DEGS2: variants seen among roughly 807,000 people sequenced by gnomAD.
DEGS2 encodes sphingolipid delta(4)-desaturase/C4-monooxygenase DES2.
DEGS2 carries 19 observed loss-of-function variants against 23.8 expected under a neutral mutation model. The ratio of observed to expected loss-of-function variants is 0.80; its 90% confidence interval spans 0.56 to 1.17. DEGS2 has a LOEUF of 1.17. DEGS2 is among the 50% of genes most tolerant of loss of function. DEGS2 has a pLI of 0.00. For synonymous variants in DEGS2, 218 were observed against 213.7 expected (o/e 1.02, Z -0.18); for missense variants, 390 against 459.5 (o/e 0.85, Z 1.38).
the DEGS2 span, among the ~76,000 whole-genome samples, chr14:100,165,220 C>T: frequency 6.6e-6 from 1 of 152,150 alleles, no homozygotes; most frequent in African/African-American, 2.4e-5. Context: ...AGGTATCAGA[C>T]AACTCCGGAC....
At chr14:100,156,707 A>G (rs1889663567) in intron 1 of DEGS2, among the ~76,000 whole-genome samples, 1 of 152,172 alleles carries the variant, frequency 6.6e-6, no homozygotes, top group South Asian at 2.1e-4. Context: ...AGGGGTCCCC[A>G]TCCAGCTGGG....
upstream of DEGS2, among the ~76,000 whole-genome samples, chr14:100,162,925 C>T (rs1889766498): frequency 6.6e-6 from 1 of 152,234 alleles, no homozygotes; most frequent in African/African-American, 2.4e-5. Flanking sequence ...GAAGACATTT[C>T]ACACTGCCCC....
chr14:100,155,620 T>G (rs1270004415), intron 1 of DEGS2: 1 of 152,274 alleles, frequency 6.6e-6, no homozygotes, highest in Non-Finnish European at 1.5e-5. Context: ...GCCGGGCAGC[T>G]CTGTGGCTGG....
chr14:100,158,268 G>A (rs1889690931), intron 1 of DEGS2, among the ~76,000 whole-genome samples: 1 of 152,092 alleles, frequency 6.6e-6, no homozygotes, highest in Admixed American at 6.5e-5. Flanking sequence ...AAAAATAGCC[G>A]GGCATAGTGG....
chr14:100,159,524 G>T lies in DEGS2; in HGVS notation c.64C>A (p.Arg22=). 1 of 1,503,182 alleles carries T rather than the reference G, an allele frequency of 6.7e-7. No individual in the cohort carries two copies. The highest frequency in any genetic ancestry group is 2.8e-5 in the East Asian group (1 of 35,694). The allele number at this position is 1,503,182 out of a possible 1,614,324, so 93.1% of individuals were successfully genotyped here. A position where few individuals can be genotyped will look rare whatever the true frequency, so the allele number is the denominator to read the frequency against. The part of the protein sequence containing the change: ...WVYTDQPHTQ[R]RKEILAKYPA... ...CGCTCACCCAGTATCTCCTTGCGCC[G>T]CTGCGTGTGCGGCTGGTCGGTGTAG... Residue 22 remains arginine (R), a synonymous_variant, in exon 1 of 3, where the codon CGG becomes AGG. Coordinates refer to ENST00000305631, the MANE Select transcript of DEGS2 (RefSeq NM_206918.3).
At chr14:100,153,305 A>AGATAG (rs139880315) in intron 1 of DEGS2, among the ~76,000 whole-genome samples, 1 of 150,110 alleles carries the variant, frequency 6.7e-6, no homozygotes, top group Admixed American at 6.7e-5. Context: ...ATAGATAGAT[A>AGATAG]ATAGATGTGA....
intron 1 of DEGS2, among the ~76,000 whole-genome samples, chr14:100,158,270 G>A (rs1889690974): frequency 6.6e-6 from 1 of 152,202 alleles, no homozygotes; most frequent in East Asian, 1.9e-4. Flanking sequence ...AAATAGCCGG[G>A]CATAGTGGTA....
At chr14:100,157,923 A>C (rs1450628185) in intron 1 of DEGS2, among the ~76,000 whole-genome samples, 1 of 151,374 alleles carries the variant, frequency 6.6e-6, no homozygotes, top group African/African-American at 2.4e-5. Context: ...CCCCATCTCT[A>C]CTACAAATAC....
In DEGS2 at chr14:100,149,281, GAGT is replaced by G. The variant is rs1184863993; in HGVS notation, c.509_511del (p.Tyr170del). 1.2e-6 allele frequency: 2 copies of G among 1,612,836 alleles called. No individual in the cohort carries two copies. The highest frequency in any genetic ancestry group is 1.1e-5 in the South Asian group (1 of 91,050). On this transcript the variant is annotated inframe_deletion, in exon 2 of 3. Coordinates refer to ENST00000305631, the MANE Select transcript of DEGS2 (RefSeq NM_206918.3). ...GGGGTGGACGCAGAGCGGCCGTAGT[GAGT>G]AGAAGAAGGGCTGCAGCACCAGCCA...
At chr14:100,158,085 T>TC (rs1889687125) in intron 1 of DEGS2, among the ~76,000 whole-genome samples, 1 of 27,026 alleles carries the variant, frequency 3.7e-5, no homozygotes, top group Admixed American at 4.7e-4. Context: ...AGACTTCCTC[T>TC]CAAAAAAAAA....
At chr14:100,161,416 A>T (rs1180787323), upstream of DEGS2, among the ~76,000 whole-genome samples, 1 of 152,154 alleles carries the variant, frequency 6.6e-6, no homozygotes, top group Non-Finnish European at 1.5e-5. Context: ...TGCCCTTGCC[A>T]AGTGCTCCCC....
chr14:100,159,464 A>G, intron 1 of DEGS2, 42 bp downstream of exon 1: 1 of 1,430,756 alleles, frequency 7.0e-7, no homozygotes, highest in South Asian at 1.4e-5. Flanking sequence ...AGACGGGCCA[A>G]CGGGGCGGTC....
At chr14:100,159,061 G>A (rs896272865) in intron 1 of DEGS2, among the ~76,000 whole-genome samples, 6 of 152,196 alleles carry the variant, frequency 3.9e-5, no homozygotes, top group African/African-American at 1.4e-4. Flanking sequence ...CCGTGGCCGC[G>A]AGACCCAGGG....
chr14:100,164,841 C>G, the DEGS2 span, among the ~76,000 whole-genome samples: 1 of 152,138 alleles, frequency 6.6e-6, no homozygotes, highest in Non-Finnish European at 1.5e-5. Context: ...ACATGTGTGG[C>G]CACCAAATAC....
chr14:100,149,745 C>T (rs767209636), intron 1 of DEGS2, 35 bp from the exon 2 acceptor site: 25 of 1,555,424 alleles, frequency 1.6e-5, no homozygotes, highest in African/African-American at 8.1e-5. Flanking sequence ...AGGCCCCGCT[C>T]GGTGGGGCTG....
At chr14:100,162,012 A>G (rs1000701020), upstream of DEGS2, among the ~76,000 whole-genome samples, 1 of 150,778 alleles carries the variant, frequency 6.6e-6, no homozygotes, top group African/African-American at 2.5e-5. Context: ...AGATTGCACC[A>G]TTGCACTCCA....
At chr14:100,158,328 T>C (rs1371435108) in intron 1 of DEGS2, among the ~76,000 whole-genome samples, 1 of 151,762 alleles carries the variant, frequency 6.6e-6, no homozygotes, top group East Asian at 2.0e-4. Context: ...GGAGGATCAG[T>C]TGAGCCCAGT....
intron 1 of DEGS2, among the ~76,000 whole-genome samples, chr14:100,158,086 CAAAAAAAAAAA>C (rs55666851): frequency 2.0e-5 from 2 of 98,010 alleles, no homozygotes. Context: ...GACTTCCTCT[CAAAAAAAAAAA>C]AAAAAAAAAA....
intron 1 of DEGS2, among the ~76,000 whole-genome samples, chr14:100,157,086 T>TAG (rs771819728): frequency 1.3e-5 from 2 of 152,118 alleles, no homozygotes; most frequent in African/African-American, 2.4e-5. Context: ...CTTCCCTCTT[T>TAG]AGAGAGAGCT....
Sources: allele counts gnomAD v4.1 joint callset (sites outside exome capture counted in the v4.1 genomes callset), GRCh38; gene constraint gnomAD v4.1.1; transcripts MANE v1.5; gene names NCBI Gene and HGNC (gene_info 2026-07-23, HGNC 2026-07-21).